ESR1: variants seen among roughly 807,000 people sequenced by gnomAD.
ESR1 encodes estrogen receptor.
ESR1 carries 12 observed loss-of-function variants against 52.7 expected under a neutral mutation model. The observed-to-expected ratio is 0.23, with a 90% confidence interval of 0.15 to 0.37. ESR1 has a LOEUF of 0.37. Among genes scored for constraint, ESR1 ranks in the 10% least tolerant of loss-of-function variants. The pLI, the probability that ESR1 is intolerant of heterozygous loss-of-function variation, is 1.00. For missense variants in ESR1, 584 were observed against 779.7 expected (o/e 0.75, Z 2.99); for synonymous variants, 305 against 316.8 (o/e 0.96, Z 0.39).
At chr6:151,829,322 G>T (rs1367319801) in intron 1 of ESR1, among the ~76,000 whole-genome samples, 1 of 152,218 alleles carries the variant, frequency 6.6e-6, no homozygotes, top group Non-Finnish European at 1.5e-5. Context: ...GAATATGTCA[G>T]ATATACAGAA....
At chr6:152,017,323 C>T (rs1385964837) in intron 5 of ESR1, among the ~76,000 whole-genome samples, 1 of 152,158 alleles carries the variant, frequency 6.6e-6, no homozygotes. Context: ...CCTTGCCATG[C>T]TTAGCCTAGT....
intron 3 of ESR1, among the ~76,000 whole-genome samples, chr6:151,896,751 T>A (rs927655080): frequency 6.6e-6 from 1 of 152,170 alleles, no homozygotes; most frequent in Non-Finnish European, 1.5e-5. Context: ...TTTATTTCTG[T>A]AGTTCCTTGA....
In ESR1 at chr6:151,708,619, C is replaced by G. The variant is rs1053147564; in HGVS notation, c.-71+6614C>G. Among the ~76,000 whole-genome samples, 4 of 152,244 alleles carry G rather than the reference C, an allele frequency of 2.6e-5. No individual in the cohort carries two copies. The East Asian group carries it at 5.8e-4, about 22-fold the overall frequency. The stretch of plus-strand genomic sequence containing the variant: ...AATCTTTCCTGATCTAATGAGTAAG[C>G]ATTGTTAATTTTCTTTTCATTTTCT... On this transcript the variant is annotated intron_variant, in intron 2 of 2. Transcript: ENST00000404742.
chr6:151,771,866 A>G (rs1258282961), intron 2 of ESR1, among the ~76,000 whole-genome samples: 6 of 152,200 alleles, frequency 3.9e-5, no homozygotes, highest in Non-Finnish European at 7.3e-5. Flanking sequence ...ACAAATAACT[A>G]TGGGGAGTAA....
At chr6:151,880,560 G>A (rs1792732636) in intron 2 of ESR1, 95 bp from the exon 3 acceptor site, 1 of 807,136 alleles carries the variant, frequency 1.2e-6, no homozygotes, top group Non-Finnish European at 2.2e-6. Context: ...GGCTGAGGAA[G>A]TGATAGGAAA....
At chr6:151,941,485 A>G (rs1293674988) in intron 3 of ESR1, among the ~76,000 whole-genome samples, 1 of 152,112 alleles carries the variant, frequency 6.6e-6, no homozygotes, top group Non-Finnish European at 1.5e-5. Context: ...TGAACCTAAA[A>G]AGATTCTTTG....
chr6:151,688,295 T>C (rs1227983842), upstream of ESR1, among the ~76,000 whole-genome samples: 12 of 152,246 alleles, frequency 7.9e-5, no homozygotes, highest in Admixed American at 1.3e-4. Flanking sequence ...AAAGCACGTG[T>C]GTTCCCATAG....
At chr6:151,938,261 T>A (rs2034611610) in intron 3 of ESR1, among the ~76,000 whole-genome samples, 1 of 152,096 alleles carries the variant, frequency 6.6e-6, no homozygotes, top group South Asian at 2.1e-4. Flanking sequence ...TGAAAGAAAA[T>A]TTAAAAATTA....
chr6:152,101,190 T>C lies in ESR1; in HGVS notation c.*2224T>C, dbSNP rs868251541. 4.3e-6 allele frequency: 1 copy of C among 231,834 alleles called. No homozygotes were observed. Among genetic ancestry groups the C allele is most frequent in the Non-Finnish European group, 8.5e-6 (1 of 117,086 alleles). 14.4% of individuals were successfully genotyped at this position (231,834 alleles called of 1,614,324 possible). On this transcript the variant is annotated 3_prime_UTR_variant, in exon 8 of 8. Coordinates refer to ENST00000206249, the MANE Select transcript of ESR1 (RefSeq NM_000125.4). ...AAAATAGCACTAATCCAGATGCCTA[T>C]TGTTGGATACTGAATGACAGACAAT...
At chr6:151,898,192 G>A (rs1795847982) in intron 3 of ESR1, among the ~76,000 whole-genome samples, 1 of 152,066 alleles carries the variant, frequency 6.6e-6, no homozygotes, top group African/African-American at 2.4e-5. Flanking sequence ...TTTTTGTGAT[G>A]AATTTTTCAG....
chr6:151,755,837 G>A (rs148133560), intron 2 of ESR1, among the ~76,000 whole-genome samples: 15 of 152,074 alleles, frequency 9.9e-5, no homozygotes, highest in African/African-American at 3.4e-4. Context: ...CGCCATGTTG[G>A]CCAGGCTGGT....
At chr6:151,669,464 A>G (rs1396894855) in intron 1 of ESR1, among the ~76,000 whole-genome samples, 1 of 152,182 alleles carries the variant, frequency 6.6e-6, no homozygotes. Flanking sequence ...AGGAGGCAAA[A>G]GCCTGATTCT....
intron 1 of ESR1, among the ~76,000 whole-genome samples, chr6:151,661,752 G>C (rs1488884705): frequency 6.6e-6 from 1 of 152,164 alleles, no homozygotes; most frequent in Non-Finnish European, 1.5e-5. Flanking sequence ...CTCCCATGCT[G>C]TTCTCATGAC....
At chr6:151,668,720 A>G (rs1777916672) in intron 1 of ESR1, among the ~76,000 whole-genome samples, 1 of 152,190 alleles carries the variant, frequency 6.6e-6, no homozygotes, top group African/African-American at 2.4e-5. Context: ...GAGGGTGCAC[A>G]TTCAAACCAT....
chr6:152,075,552 G>T (rs1428105481), intron 6 of ESR1, among the ~76,000 whole-genome samples: 1 of 152,166 alleles, frequency 6.6e-6, no homozygotes, highest in African/African-American at 2.4e-5. Context: ...ATCTCTCAAA[G>T]AGAGGAACTT....
chr6:151,769,120 T>C (rs193196693), intron 2 of ESR1, among the ~76,000 whole-genome samples: 168 of 152,326 alleles, frequency 1.1e-3, no homozygotes, highest in African/African-American at 3.9e-3. Context: ...CGTATTTAGG[T>C]AGATCTGAAT....
chr6:152,051,648 C>T (rs572380973), intron 5 of ESR1, among the ~76,000 whole-genome samples: 68 of 152,080 alleles, frequency 4.5e-4, no homozygotes, highest in Non-Finnish European at 7.6e-4. Context: ...AACTGCTTCT[C>T]CAGACCCCAG....
intron 2 of ESR1, among the ~76,000 whole-genome samples, chr6:151,880,181 GTT>G (rs71017515): frequency 0.03 from 3,489 of 116,304 alleles, 120 homozygotes; most frequent in African/African-American, 0.11. Flanking sequence ...TTTTTGTTCT[GTT>G]TTTTTTTTTT....
At chr6:152,058,674 C>T (rs1435515831) in intron 5 of ESR1, among the ~76,000 whole-genome samples, 1 of 140,920 alleles carries the variant, frequency 7.1e-6, no homozygotes, top group Non-Finnish European at 1.5e-5. Context: ...TTGCACCTGG[C>T]TTTCTCCCTG....
Sources: gnomAD v4.1 joint callset for allele counts (sites outside exome capture counted in the v4.1 genomes callset) on GRCh38, gnomAD v4.1.1 for gene constraint, MANE v1.5 for transcripts, NCBI Gene and HGNC (gene_info 2026-07-23, HGNC 2026-07-21) for gene names.